Variants in KCNG2 observed in about 807,000 individuals in gnomAD.
The protein encoded by KCNG2 is voltage-gated potassium channel regulatory subunit KCNG2.
In KCNG2, 7 loss-of-function variants were observed where a neutral mutation model predicts 12.3. That is an observed-to-expected ratio of 0.57 (90% CI 0.32 to 1.07). The LOEUF (loss-of-function observed/expected upper bound fraction) is 1.07, where lower values mean the gene tolerates loss of function less well. Ranked by LOEUF, KCNG2 falls within the 50% of genes least tolerant of loss-of-function variation. The pLI, the probability that KCNG2 is intolerant of heterozygous loss-of-function variation, is 0.04. For missense variants in KCNG2, 703 were observed against 726.0 expected (o/e 0.97, Z 0.36); for synonymous variants, 414 against 351.4 (o/e 1.18, Z -1.99).
rs143864015 is a variant in KCNG2, at chr18:79,899,680, C to T, written c.1265C>T (p.Ala422Val). 4.9e-4 allele frequency: 795 copies of T among 1,607,710 alleles called. No individual in the cohort carries two copies. Among genetic ancestry groups the T allele is most frequent in the Non-Finnish European group, 6.3e-4 (737 of 1,178,028 alleles). The change falls in exon 4 of 4, where the codon GCG becomes GTG. Residue 422 changes from alanine (A) to valine (V), a missense_variant. Physicochemically the swap from Ala to Val is moderately conservative, Grantham distance 64. Transcript: ENST00000316249. ...GAGCTCAAGGAGCAGCAGCAGCGCG[C>T]GGCCAGCCCCGAGCCGGCCCTGCAG... ...YSELKEQQQRAASPEPALQED... is the reference protein window; with the variant it reads ...YSELKEQQQRVASPEPALQED...
At chr18:79,869,864 A>G (rs2123086792) in intron 3 of KCNG2, among the ~76,000 whole-genome samples, 2 of 152,356 alleles carry the variant, frequency 1.3e-5, no homozygotes, top group Middle Eastern at 6.8e-3. Context: ...CACGACCTGC[A>G]GACACCTCAG....
At chr18:79,805,141 C>T (rs1326355105) in intron 1 of KCNG2, among the ~76,000 whole-genome samples, 5 of 152,182 alleles carry the variant, frequency 3.3e-5, no homozygotes, top group African/African-American at 4.8e-5. Context: ...TTTGTAGATA[C>T]ATCTTTGAAG....
intron 3 of KCNG2, among the ~76,000 whole-genome samples, chr18:79,876,711 G>A (rs1320069061): frequency 1.3e-5 from 2 of 152,238 alleles, no homozygotes; most frequent in Non-Finnish European, 2.9e-5. Flanking sequence ...CCTTGGCACC[G>A]TGAGCACTTG....
At chr18:79,806,286 G>A (rs1302707392) in intron 1 of KCNG2, among the ~76,000 whole-genome samples, 8 of 152,120 alleles carry the variant, frequency 5.3e-5, no homozygotes, top group African/African-American at 1.9e-4. Context: ...GTGGTCTCAG[G>A]CAAGGCCGCT....
intron 3 of KCNG2, among the ~76,000 whole-genome samples, chr18:79,898,024 C>G (rs1981039616): frequency 6.6e-6 from 1 of 152,218 alleles, no homozygotes; most frequent in South Asian, 2.1e-4. Context: ...CTCCTGCCAG[C>G]TGTCTTCTCC....
At chr18:79,872,486 T>C (rs1367729481) in intron 3 of KCNG2, among the ~76,000 whole-genome samples, 1 of 152,144 alleles carries the variant, frequency 6.6e-6, no homozygotes, top group Non-Finnish European at 1.5e-5. Flanking sequence ...GGTTTCACCA[T>C]GTTGGCCAGG....
At chr18:79,882,611 C>G (rs1454600790) in intron 3 of KCNG2, among the ~76,000 whole-genome samples, 1 of 152,262 alleles carries the variant, frequency 6.6e-6, no homozygotes, top group Non-Finnish European at 1.5e-5. Flanking sequence ...AGTTAAGCCA[C>G]AGGAGCTGTC....
chr18:79,857,835 TAAC>T (rs754300660), intron 2 of KCNG2, among the ~76,000 whole-genome samples: 3 of 152,036 alleles, frequency 2.0e-5, no homozygotes, highest in Non-Finnish European at 2.9e-5. Context: ...TTTAGTGTAT[TAAC>T]AATGCTGTGC....
intron 3 of KCNG2, among the ~76,000 whole-genome samples, chr18:79,865,166 T>C (rs1267431996): frequency 7.1e-6 from 1 of 140,604 alleles, no homozygotes; most frequent in Non-Finnish European, 1.5e-5. Flanking sequence ...TGCTGAGAGG[T>C]CTGGCTGCTG....
chr18:79,861,798 CTT>C (rs1979230918), intron 2 of KCNG2, among the ~76,000 whole-genome samples: 1 of 152,232 alleles, frequency 6.6e-6, no homozygotes, highest in African/African-American at 2.4e-5. Context: ...CCACAGGTCT[CTT>C]AGGCTCTGTT....
chr18:79,882,765 G>A (rs1342930378), intron 3 of KCNG2, among the ~76,000 whole-genome samples: 11 of 140,740 alleles, frequency 7.8e-5, no homozygotes, highest in Non-Finnish European at 8.2e-5. Flanking sequence ...GTGGAGCGCG[G>A]AGGCCGGGTA....
intron 1 of KCNG2, among the ~76,000 whole-genome samples, chr18:79,798,799 G>A (rs1451968141): frequency 6.6e-6 from 1 of 152,210 alleles, no homozygotes; most frequent in Non-Finnish European, 1.5e-5. Flanking sequence ...GGGCTCCCGG[G>A]TTCGGATGGA....
chr18:79,816,985 C>T (rs539903198), intron 1 of KCNG2, among the ~76,000 whole-genome samples: 1 of 152,292 alleles, frequency 6.6e-6, no homozygotes, highest in South Asian at 2.1e-4. Context: ...CTGCCACTCA[C>T]ATGCCTGTCA....
rs570285108 is a variant in KCNG2 at position 79,825,897 on chromosome 18, A to G, written c.-115+27883A>G. Among the ~76,000 whole-genome samples, 3 of 152,224 alleles carry G rather than the reference A, an allele frequency of 2.0e-5. No individual in the cohort carries two copies. In the South Asian group the frequency reaches 6.2e-4, roughly 31 times the overall value. The stretch of plus-strand genomic sequence containing the variant: ...TGGCCTTCCTTCCGGAAGTTTCTTT[A>G]TGCGTCTGCCCATGGACGGCAGGTG... On this transcript the variant is annotated intron_variant, in intron 1 of 3. Coordinates refer to ENST00000316249, the MANE Select transcript of KCNG2 (RefSeq NM_012283.2).
rs758493645 is a variant in KCNG2 at position 79,822,959 on chromosome 18, G to A, written c.-115+24945G>A. ...ACTTGTGGCATGTGAAGAGCGTGTG[G>A]AGCACCCCAAGGCTTTAGGAGTCAC... On this transcript the variant is annotated intron_variant, in intron 1 of 3. Transcript: ENST00000316249. The surrounding 1 kb of genome is among the most constrained non-coding windows in gnomAD (Gnocchi z 4.4). Among the ~76,000 whole-genome samples the A allele has an allele frequency of 2.0e-5, 3 of 152,194 alleles. No individual in the cohort carries two copies. The highest frequency in any genetic ancestry group is 4.4e-5 in the Non-Finnish European group (3 of 68,038).
At chr18:79,876,883 C>G (rs1267052870) in intron 3 of KCNG2, among the ~76,000 whole-genome samples, 1 of 152,204 alleles carries the variant, frequency 6.6e-6, no homozygotes, top group Non-Finnish European at 1.5e-5. Context: ...CCTGGGACGG[C>G]CAGGCTCATT....
At chr18:79,846,896 C>G (rs934317020) in intron 1 of KCNG2, among the ~76,000 whole-genome samples, 9 of 152,130 alleles carry the variant, frequency 5.9e-5, no homozygotes, top group Non-Finnish European at 1.0e-4. Context: ...CACTGAGGAG[C>G]CTAGAATAGT....
intron 3 of KCNG2, among the ~76,000 whole-genome samples, chr18:79,887,310 C>T (rs188477185): frequency 2.4e-3 from 370 of 152,130 alleles, no homozygotes; most frequent in Non-Finnish European, 4.0e-3. Context: ...GCTGAGACAG[C>T]AGAGGCGGAG....
chr18:79,899,020 C>T lies in KCNG2; in HGVS notation c.625-20C>T, dbSNP rs567582422. The T allele has an allele frequency of 1.2e-5, 18 of 1,517,686 alleles. No homozygotes were observed. Among genetic ancestry groups the T allele is most frequent in the South Asian group, 9.0e-5 (7 of 77,980 alleles). 94.0% of individuals were successfully genotyped at this position (1,517,686 alleles called of 1,614,324 possible). ...TCCAAGAGGCCTGCGCCCCCAACCC[C>T]GTGTCCCCTCTCCCCGCAGGGCGAG... On this transcript the variant is annotated intron_variant, in intron 3 of 3. Coordinates refer to ENST00000316249, the MANE Select transcript of KCNG2 (RefSeq NM_012283.2).
Sources: gnomAD v4.1 joint callset for allele counts (sites outside exome capture counted in the v4.1 genomes callset) on GRCh38, gnomAD v4.1.1 for gene constraint, Gnocchi (gnomAD v3.1) non-coding constraint, MANE v1.5 for transcripts, NCBI Gene and HGNC (gene_info 2026-07-23, HGNC 2026-07-21) for gene names.